HOPX: variants seen among roughly 807,000 people sequenced by gnomAD.
HOPX encodes the protein HOP homeobox.
HOPX carries 5 observed loss-of-function variants against 11.8 expected under a neutral mutation model. The observed-to-expected ratio is 0.43, with a 90% CI of 0.22 to 0.89. The LOEUF (loss-of-function observed/expected upper bound fraction) is 0.89. HOPX is among the 40% of genes least tolerant of loss of function. The pLI, the probability that HOPX is intolerant of heterozygous loss-of-function variation, is 0.28. For synonymous variants in HOPX, 49 were observed against 49.7 expected (o/e 0.99, Z 0.06); for missense variants, 119 against 120.0 (o/e 0.99, Z 0.04).
At position 56,659,243 on chromosome 4, in the gene HOPX, G is replaced by A. The variant is rs1449426391; in HGVS notation, c.-83-1344C>T. ...AGTCCTGTGGTGAGCTGGCCAAAAGGGAAACAAGCCAGTGGATTATTCTTT... is the reference window on the plus strand; with the variant it reads ...AGTCCTGTGGTGAGCTGGCCAAAAGAGAAACAAGCCAGTGGATTATTCTTT... On this transcript the variant is annotated intron_variant, in intron 1 of 3. Transcript: ENST00000420433. 5.9e-5 allele frequency: 9 copies of A among 152,148 alleles called. No individual in the cohort carries two copies. The East Asian group carries it at 1.7e-3, about 29-fold the overall frequency. The allele number at this position is 152,148 out of a possible 1,614,324, so 9.4% of individuals were successfully genotyped here.
At chr4:56,656,263 C>G (rs1717718334) in intron 2 of HOPX, 1 of 1,166,256 alleles carries the variant, frequency 8.6e-7, no homozygotes, top group Non-Finnish European at 1.1e-6. Context: ...GCGCCTCCCG[C>G]GCCCCCCGGG....
upstream of HOPX, chr4:56,681,449 G>A (rs1182043411): frequency 1.0e-6 from 1 of 989,522 alleles, no homozygotes; most frequent in South Asian, 4.7e-5. Flanking sequence ...GTATGCCGAG[G>A]TTACGTCTCT....
intron 1 of HOPX, among the ~76,000 whole-genome samples, chr4:56,670,921 C>T (rs149367935): frequency 0.019 from 2,841 of 151,398 alleles, 98 homozygotes; most frequent in African/African-American, 0.062. Flanking sequence ...CGCTTGAACC[C>T]GGGAGGCGGA....
At chr4:56,677,283 T>C (rs775916799) in intron 1 of HOPX, among the ~76,000 whole-genome samples, 14 of 151,702 alleles carry the variant, frequency 9.2e-5, no homozygotes, top group Non-Finnish European at 4.4e-5. Flanking sequence ...CTGGATATGG[T>C]TTGAAAAATT....
At chr4:56,666,824 C>T (rs7689567) in intron 1 of HOPX, among the ~76,000 whole-genome samples, 7 of 151,990 alleles carry the variant, frequency 4.6e-5, no homozygotes, top group African/African-American at 1.4e-4. Context: ...AAAGTTTTCC[C>T]GAGAAAGAAT....
At chr4:56,675,531 C>T (rs1184280662) in intron 1 of HOPX, among the ~76,000 whole-genome samples, 1 of 151,624 alleles carries the variant, frequency 6.6e-6, no homozygotes, top group Non-Finnish European at 1.5e-5. Context: ...CCTCTGCTCC[C>T]CTGGCAGGAG....
At chr4:56,655,803 G>A (rs981800237) in intron 3 of HOPX, 54 bp downstream of exon 3, 4 of 1,541,920 alleles carry the variant, frequency 2.6e-6, no homozygotes, top group Non-Finnish European at 3.5e-6. Flanking sequence ...CCAGCCGCGA[G>A]AAGGCTCAGC....
At chr4:56,650,746 G>C in intron 3 of HOPX, 12 of 1,551,318 alleles carry the variant, frequency 7.7e-6, no homozygotes, top group Non-Finnish European at 1.0e-5. Context: ...CTATCATGGG[G>C]GTAGCCTTCT....
intron 1 of HOPX, chr4:56,679,460 C>T (rs1719204674): frequency 6.6e-6 from 1 of 151,758 alleles, no homozygotes; most frequent in Non-Finnish European, 1.5e-5. Context: ...CCCAAGTAAC[C>T]ATGGATCTTC....
chr4:56,653,701 G>T (rs1003004769), intron 3 of HOPX, among the ~76,000 whole-genome samples: 1 of 152,172 alleles, frequency 6.6e-6, no homozygotes, highest in Non-Finnish European at 1.5e-5. Flanking sequence ...GAGGAAGCCA[G>T]GGGCCCTGCT....
intron 3 of HOPX, among the ~76,000 whole-genome samples, chr4:56,654,556 ACCTTCCTTTAAGTTC>A (rs1215892965): frequency 1.3e-5 from 2 of 152,196 alleles, no homozygotes; most frequent in Admixed American, 1.3e-4. Flanking sequence ...ACAGTAAATC[ACCTTCCTTTAAGTTC>A]TGGTTCTGGT....
At chr4:56,658,149 A>ATTTTGTC (rs1208587153) in intron 1 of HOPX, among the ~76,000 whole-genome samples, 6 of 152,116 alleles carry the variant, frequency 3.9e-5, no homozygotes, top group Admixed American at 3.3e-4. Flanking sequence ...TTCCATGAAA[A>ATTTTGTC]TTTTGTCTTT....
rs971878288 is a variant in HOPX at position 56,675,921 on chromosome 4, A to G, written c.-84+5334T>C. 1.3e-5 allele frequency among the ~76,000 whole-genome samples: 2 copies of G among 151,898 alleles called. 1 individual carries two copies. Among genetic ancestry groups the G allele is most frequent in the Middle Eastern group, 6.8e-3 (2 of 294 alleles). ...AGGTTACTGCTTTATAAACCACTCC[A>G]AGCCATAGGTCATCCTTCTACCAAC... On this transcript the variant is annotated intron_variant, in intron 1 of 3. Coordinates refer to ENST00000420433, the MANE Select transcript of HOPX (RefSeq NM_032495.6).
At chr4:56,662,477 C>CTTTTTTT (rs1305463097) in intron 1 of HOPX, 1 of 108,742 alleles carries the variant, frequency 9.2e-6, no homozygotes, top group African/African-American at 4.2e-5. Flanking sequence ...TTCTTTCTTT[C>CTTTTTTT]TTTCTTCTTT....
chr4:56,664,611 A>G lies in HOPX; in HGVS notation c.-83-6712T>C, dbSNP rs559583479. ...CCCTTAAAAAAAAATCCAATGCTGT[A>G]TATTTGCTTTATCATAACATGTATC... On this transcript the variant is annotated intron_variant, in intron 1 of 3. Transcript: ENST00000420433. 11 of 152,264 alleles carry G rather than the reference A, an allele frequency of 7.2e-5. No individual in the cohort carries two copies. The South Asian group carries it at 2.3e-3, about 32-fold the overall frequency. 9.4% of individuals were successfully genotyped at this position (152,264 alleles called of 1,614,324 possible).
At chr4:56,675,678 T>C (rs1315258251) in intron 1 of HOPX, among the ~76,000 whole-genome samples, 1 of 151,736 alleles carries the variant, frequency 6.6e-6, no homozygotes, top group Non-Finnish European at 1.5e-5. Context: ...TCAACAGCAC[T>C]GGAAGGCCAA....
chr4:56,654,524 C>T (rs1047797117), intron 3 of HOPX, among the ~76,000 whole-genome samples: 8 of 152,234 alleles, frequency 5.3e-5, no homozygotes, highest in Admixed American at 5.2e-4. Flanking sequence ...TGCCAAGAAA[C>T]ATGAGCTGTT....
At chr4:56,650,765 G>A (rs753973154) in intron 3 of HOPX, 2 of 1,551,056 alleles carry the variant, frequency 1.3e-6, no homozygotes, top group Admixed American at 2.0e-5. Flanking sequence ...CTCTTTGGGG[G>A]CTACTTTCTG....
At chr4:56,651,525 G>T (rs911202387) in intron 3 of HOPX, among the ~76,000 whole-genome samples, 3 of 152,026 alleles carry the variant, frequency 2.0e-5, no homozygotes, top group African/African-American at 7.3e-5. Context: ...TTCATCCCTT[G>T]CTTGCTTATA....
Sources: gnomAD v4.1 joint callset for allele counts (sites outside exome capture counted in the v4.1 genomes callset) on GRCh38, gnomAD v4.1.1 for gene constraint, MANE v1.5 for transcripts, NCBI Gene and HGNC (gene_info 2026-07-23, HGNC 2026-07-21) for gene names.